Variants in LPIN1 observed in about 807,000 individuals in gnomAD.
The protein encoded by LPIN1 is lipin 1.
A neutral mutation model predicts 107.5 loss-of-function variants in LPIN1; 71 were observed. That is an observed-to-expected ratio of 0.66 (90% confidence interval 0.55 to 0.80). The LOEUF (loss-of-function observed/expected upper bound fraction) is 0.80. LPIN1 is among the 30% of genes least tolerant of loss of function. The pLI, the probability that LPIN1 is intolerant of heterozygous loss-of-function variation, is 0.00. For synonymous variants in LPIN1, 445 were observed against 452.6 expected (o/e 0.98, Z 0.21); for missense variants, 1,043 against 1,160.6 (o/e 0.90, Z 1.47).
chr2:11,816,274 C>T, intron 18 of LPIN1: 1 of 152,148 alleles, frequency 6.6e-6, no homozygotes, highest in South Asian at 2.1e-4. Flanking sequence ...AAAAGTCAGG[C>T]ACAACCTAGT....
chr2:11,806,362 A>C (rs576601270), intron 17 of LPIN1, among the ~76,000 whole-genome samples: 13 of 152,322 alleles, frequency 8.5e-5, no homozygotes, highest in African/African-American at 2.9e-4. Context: ...GCTATGAACT[A>C]GGTAAGTCTC....
chr2:11,779,421 G>C, intron 6 of LPIN1, 98 bp from the exon 7 acceptor site: 1 of 1,264,098 alleles, frequency 7.9e-7, no homozygotes. Context: ...GACAGCTGGG[G>C]GTGCATTTTC....
chr2:11,704,278 T>C (rs1235757173), intron 1 of LPIN1, among the ~76,000 whole-genome samples: 1 of 152,268 alleles, frequency 6.6e-6, no homozygotes, highest in African/African-American at 2.4e-5. Flanking sequence ...TGAAGCCATC[T>C]TTAATCTAAT....
rs368866150 is a variant in LPIN1 at position 11,770,433 on chromosome 2, G to A, written c.289-939G>A. On this transcript the variant is annotated intron_variant, in intron 3 of 20. Coordinates refer to ENST00000674199, the MANE Select transcript of LPIN1 (RefSeq NM_001349206.2). ...GGCTGCCCATTCCCTTCCAGCCCAC[G>A]GACAGCAAAGGGCCCTTCTCTGCTC... Among the ~76,000 whole-genome samples the A allele has an allele frequency of 8.5e-5, 13 of 152,226 alleles. No homozygotes were observed. The East Asian group carries it at 1.4e-3, about 16-fold the overall frequency.
intron 17 of LPIN1, among the ~76,000 whole-genome samples, chr2:11,807,179 TG>T (rs1678853864): frequency 6.6e-6 from 1 of 152,256 alleles, no homozygotes; most frequent in African/African-American, 2.4e-5. Context: ...GTAGAATTGC[TG>T]GGTCAAAGGA....
intron 1 of LPIN1, among the ~76,000 whole-genome samples, chr2:11,704,170 C>T (rs957302346): frequency 1.3e-5 from 2 of 152,208 alleles, no homozygotes; most frequent in Admixed American, 1.3e-4. Context: ...TGTCACTTGT[C>T]CTGCATGTTA....
At chr2:11,713,725 T>C in intron 1 of LPIN1, 4 of 1,311,740 alleles carry the variant, frequency 3.0e-6, no homozygotes, top group Middle Eastern at 2.1e-4. Flanking sequence ...AACATTTCTA[T>C]TAATTAATTT....
chr2:11,719,448 TTTG>T (rs998247952), upstream of LPIN1, among the ~76,000 whole-genome samples: 17 of 152,198 alleles, frequency 1.1e-4, no homozygotes, highest in African/African-American at 3.9e-4. Flanking sequence ...TGAAGCCCCC[TTTG>T]CAGGAAGTCC....
At chr2:11,768,408 C>T (rs1671281527) in intron 3 of LPIN1, among the ~76,000 whole-genome samples, 1 of 152,142 alleles carries the variant, frequency 6.6e-6, no homozygotes, top group African/African-American at 2.4e-5. Context: ...TATACTCCAC[C>T]TTCCAACTGC....
At chr2:11,753,691 C>T (rs1462636555) in intron 1 of LPIN1, among the ~76,000 whole-genome samples, 1 of 152,244 alleles carries the variant, frequency 6.6e-6, no homozygotes, top group Non-Finnish European at 1.5e-5. Flanking sequence ...CCCTTATCAA[C>T]CGCCGTTAAG....
chr2:11,712,057 A>T (rs1454375529), intron 1 of LPIN1, among the ~76,000 whole-genome samples: 2 of 152,248 alleles, frequency 1.3e-5, no homozygotes, highest in Non-Finnish European at 2.9e-5. Context: ...CTTAGAGCAC[A>T]AGGCCAGAGG....
chr2:11,798,393 C>T (rs1052794647), intron 14 of LPIN1, among the ~76,000 whole-genome samples: 2 of 152,148 alleles, frequency 1.3e-5, no homozygotes, highest in Admixed American at 6.5e-5. Context: ...CAGCACTGCT[C>T]TTACTCTTAC....
At chr2:11,798,017 G>A (rs1427698763) in intron 14 of LPIN1, among the ~76,000 whole-genome samples, 3 of 152,110 alleles carry the variant, frequency 2.0e-5, no homozygotes, top group Non-Finnish European at 4.4e-5. Flanking sequence ...CGCTGTTCTC[G>A]TGATAGGGAG....
At chr2:11,677,674 C>G (rs1217458427) in exon 1 of LPIN1, 1 of 1,535,730 alleles carries the variant, frequency 6.5e-7, no homozygotes, top group Non-Finnish European at 8.7e-7. Flanking sequence ...GCATTCGCAG[C>G]TCCAGCTGGG....
At chr2:11,780,548 A>C (rs1421402674) in intron 7 of LPIN1, among the ~76,000 whole-genome samples, 4 of 152,188 alleles carry the variant, frequency 2.6e-5, no homozygotes, top group Admixed American at 1.3e-4. Context: ...CTGGGCCCTC[A>C]TTGTTGGTGG....
At chr2:11,720,029 G>A (rs1456857772), upstream of LPIN1, among the ~76,000 whole-genome samples, 1 of 151,886 alleles carries the variant, frequency 6.6e-6, no homozygotes, top group Admixed American at 6.6e-5. Flanking sequence ...AGCTTGCTCC[G>A]ACTTGCTTGT....
chr2:11,817,742 C>G (rs1416421275), intron 18 of LPIN1: 1 of 152,196 alleles, frequency 6.6e-6, no homozygotes, highest in Non-Finnish European at 1.5e-5. Flanking sequence ...ATCTGGCTAA[C>G]ACGGTGAAAC....
chr2:11,682,158 C>G (rs1007522411), intron 1 of LPIN1: 3 of 152,476 alleles, frequency 2.0e-5, no homozygotes, highest in African/African-American at 7.2e-5. Context: ...TCTCTCCTCT[C>G]AGCGTCCTGG....
At chr2:11,773,137 T>C (rs1158553604) in intron 4 of LPIN1, among the ~76,000 whole-genome samples, 1 of 152,246 alleles carries the variant, frequency 6.6e-6, no homozygotes, top group Non-Finnish European at 1.5e-5. Flanking sequence ...TTTGCAGTTA[T>C]TCTGTAATCG....
Sources: gnomAD v4.1 joint callset for allele counts (sites outside exome capture counted in the v4.1 genomes callset) on GRCh38, gnomAD v4.1.1 for gene constraint, MANE v1.5 for transcripts, NCBI Gene and HGNC (gene_info 2026-07-23, HGNC 2026-07-21) for gene names.